The following HCK variants were observed in gnomAD, a reference collection of about 807,000 sequenced individuals.
The protein encoded by HCK is tyrosine-protein kinase HCK.
HCK carries 40 observed loss-of-function variants against 70.4 expected under a neutral mutation model. The observed-to-expected ratio is 0.57, with a 90% confidence interval of 0.44 to 0.74. The LOEUF (loss-of-function observed/expected upper bound fraction) is 0.74, where lower values mean the gene tolerates loss of function less well. Among genes scored for constraint, HCK ranks in the 30% least tolerant of loss-of-function variants. The probability of loss-of-function intolerance (pLI) is 0.00; values close to 1 mark genes in which losing one functional copy is unlikely to be tolerated. For missense variants in HCK, 568 were observed against 697.2 expected (o/e 0.81, Z 2.09); for synonymous variants, 245 against 263.2 (o/e 0.93, Z 0.67).
At chr20:32,099,159 G>A (rs1233963775) in intron 12 of HCK, 24 bp downstream of exon 12, 1 of 1,610,496 alleles carries the variant, frequency 6.2e-7, no homozygotes, top group African/African-American at 1.3e-5. Context: ...ATCAGCTCAG[G>A]GCTGCTACCA....
chr20:32,091,306 T>G (rs969124595), intron 10 of HCK, among the ~76,000 whole-genome samples: 5 of 152,218 alleles, frequency 3.3e-5, no homozygotes, highest in Non-Finnish European at 7.3e-5. Context: ...AACAGGTAAG[T>G]GCGTGGACCC....
At chr20:32,077,260 A>G (rs898659901) in intron 5 of HCK, among the ~76,000 whole-genome samples, 5 of 152,142 alleles carry the variant, frequency 3.3e-5, no homozygotes, top group African/African-American at 1.2e-4. Flanking sequence ...CCCTTGAAAT[A>G]GGCAATACTT....
intron 1 of HCK, among the ~76,000 whole-genome samples, chr20:32,058,733 A>G (rs1037257259): frequency 2.6e-5 from 4 of 152,050 alleles, no homozygotes; most frequent in Non-Finnish European, 4.4e-5. Flanking sequence ...ATAGTTTGAG[A>G]GCTGATTCCA....
At chr20:32,061,137 C>T (rs1568959782) in intron 1 of HCK, among the ~76,000 whole-genome samples, 1 of 152,198 alleles carries the variant, frequency 6.6e-6, no homozygotes, top group East Asian at 1.9e-4. Context: ...GCATGCGCCA[C>T]CACGCCCAGC....
intron 1 of HCK, among the ~76,000 whole-genome samples, chr20:32,063,617 T>C (rs564616574): frequency 6.6e-5 from 10 of 152,122 alleles, no homozygotes; most frequent in Admixed American, 3.9e-4. Flanking sequence ...ATTCCTCCCA[T>C]CCTCACCTAC....
intron 1 of HCK, among the ~76,000 whole-genome samples, chr20:32,059,293 T>TTCCTTCCTTCCCTCCC (rs1188956257): frequency 2.1e-4 from 31 of 149,040 alleles, no homozygotes; most frequent in East Asian, 8.0e-4. Context: ...CCTTCCTTCC[T>TTCCTTCCTTCCCTCCC]TCCCTCCCTC....
intron 10 of HCK, among the ~76,000 whole-genome samples, chr20:32,092,667 T>C (rs972717388): frequency 6.6e-6 from 1 of 152,072 alleles, no homozygotes; most frequent in Non-Finnish European, 1.5e-5. Context: ...AGGCAGTTCA[T>C]GATTGGCGGC....
At chr20:32,070,690 A>G (rs564655845) in intron 1 of HCK, among the ~76,000 whole-genome samples, 10 of 151,946 alleles carry the variant, frequency 6.6e-5, no homozygotes, top group African/African-American at 2.4e-4. Flanking sequence ...CCTGTTATTT[A>G]TTTGTTGGCC....
chr20:32,052,791 GC>G (rs58976342), intron 1 of HCK, among the ~76,000 whole-genome samples: 10,732 of 104,782 alleles, frequency 0.1, 1,795 homozygotes, highest in African/African-American at 0.39. Context: ...TTGGGGGGGG[GC>G]GGGGATTTTT....
At chr20:32,064,135 C>G (rs941635812) in intron 1 of HCK, among the ~76,000 whole-genome samples, 4 of 151,052 alleles carry the variant, frequency 2.6e-5, no homozygotes, top group African/African-American at 9.7e-5. Context: ...TCCCAAGTAG[C>G]TGGGATTACA....
intron 9 of HCK, among the ~76,000 whole-genome samples, 176 bp downstream of exon 9, chr20:32,086,983 G>C (rs2045797979): frequency 6.6e-6 from 1 of 152,204 alleles, no homozygotes; most frequent in Non-Finnish European, 1.5e-5. Flanking sequence ...CTGGTTAGTG[G>C]GGTGAAATCA....
rs992355658 is a variant in HCK, at chr20:32,059,682, T to TA, written c.62+7205dup. Among the ~76,000 whole-genome samples the TA allele has an allele frequency of 6.6e-5, 10 of 151,426 alleles. No homozygotes were observed. The East Asian group carries it at 1.6e-3, about 24-fold the overall frequency. On this transcript the variant is annotated intron_variant, in intron 1 of 12. Coordinates refer to ENST00000375852, the MANE Select transcript of HCK (RefSeq NM_002110.5). ...GGCACATGCCACCACACCCAGCTAA[T>TA]AAAAAAAAATTCTGGTAGAAATGGG...
rs143179466 is a variant in HCK, at chr20:32,070,545, G to A, written c.63-1117G>A. Among the ~76,000 whole-genome samples, 542 of 152,236 alleles carry A rather than the reference G, an allele frequency of 3.6e-3. 3 individuals carry two copies. Among genetic ancestry groups the A allele is most frequent in the Non-Finnish European group, 3.4e-3 (234 of 68,026 alleles). Reference sequence around the variant, plus strand: ...AGTGTCCCCTCACTGGCTCCTTTGTGTCATTTAGACCGCAGGTTCTGTATC... The same window carrying A: ...AGTGTCCCCTCACTGGCTCCTTTGTATCATTTAGACCGCAGGTTCTGTATC... On this transcript the variant is annotated intron_variant, in intron 1 of 12. Coordinates refer to ENST00000375852, the MANE Select transcript of HCK (RefSeq NM_002110.5).
chr20:32,072,771 A>AG (rs1338935576), intron 2 of HCK, among the ~76,000 whole-genome samples: 1 of 151,782 alleles, frequency 6.6e-6, no homozygotes, highest in South Asian at 2.1e-4. Flanking sequence ...TGTTGAGGGG[A>AG]GGGGTCAAGC....
In HCK at chr20:32,101,509, A is replaced by G; in HGVS notation, c.1571A>G (p.Gln524Arg). Residue 524 changes from glutamine (Q) to arginine (R), a missense_variant, in exon 13 of 13, where the codon CAG becomes CGG. Physicochemically the swap from Gln to Arg is conservative, Grantham distance 43 (BLOSUM62 1). This residue lies in a region of HCK where 77 missense variants were observed against 85.0 expected (regional missense o/e 0.91). Transcript: ENST00000375852. The stretch of plus-strand genomic sequence containing the variant: ...ACGGCCACAGAGAGCCAGTACCAAC[A>G]GCAGCCATGATAGGGAGGACCAGGG... The G allele has an allele frequency of 6.2e-7, 1 of 1,612,746 alleles. No individual in the cohort carries two copies.
At chr20:32,098,247 G>A (rs1302049551) in intron 11 of HCK, among the ~76,000 whole-genome samples, 1 of 151,958 alleles carries the variant, frequency 6.6e-6, no homozygotes, top group Non-Finnish European at 1.5e-5. Flanking sequence ...GGCCAGGCTG[G>A]TCTCGAATTC....
Position 32,101,365 on chromosome 20 carries a change from T to C in HCK, c.1427T>C (p.Met476Thr). 6.2e-7 allele frequency: 1 copy of C among 1,614,198 alleles called. No individual in the cohort carries two copies. The highest frequency in any genetic ancestry group is 1.1e-5 in the South Asian group (1 of 91,084). ...CGAGCTCTGGAGCGTGGATACCGGA[T>C]GCCTCGCCCAGAGAACTGCCCAGAG... The change falls in exon 13 of 13, where the codon ATG becomes ACG. Residue 476 changes from methionine to threonine, a missense_variant. Physicochemically the swap from Met to Thr is moderately conservative, Grantham distance 81. Around this residue, in one of 4 missense-constraint regions of HCK, gnomAD observed 77 missense variants for 85.0 expected, o/e 0.91. Transcript: ENST00000375852.
chr20:32,088,575 G>A lies in HCK; in HGVS notation c.1023G>A (p.Leu341=), dbSNP rs1454470263. ...CCCCTCTCCCCCATATAGGAAGCTTGCTGGACTTTCTGAAAAGTGATGAGG... is the reference window on the plus strand; with the variant it reads ...CCCCTCTCCCCCATATAGGAAGCTTACTGGACTTTCTGAAAAGTGATGAGG... Residue 341 remains leucine (L), a synonymous_variant, in exon 10 of 13, where the codon TTG becomes TTA. Transcript: ENST00000375852. The A allele has an allele frequency of 1.2e-6, 2 of 1,613,462 alleles. No homozygotes were observed. The highest frequency in any genetic ancestry group is 1.7e-6 in the Non-Finnish European group (2 of 1,179,806).
intron 10 of HCK, among the ~76,000 whole-genome samples, chr20:32,090,672 G>A (rs1033255669): frequency 6.6e-6 from 1 of 152,086 alleles, no homozygotes; most frequent in African/African-American, 2.4e-5. Flanking sequence ...ACCCAAGGGT[G>A]CCCAACCTCA....
Sources: allele counts gnomAD v4.1 joint callset (sites outside exome capture counted in the v4.1 genomes callset), GRCh38; gene constraint gnomAD v4.1.1; regional missense constraint gnomAD v4.1.1; transcripts MANE v1.5; gene names NCBI Gene and HGNC (gene_info 2026-07-23, HGNC 2026-07-21).